Variants in PDS5B observed in about 807,000 individuals in gnomAD.
PDS5B encodes the protein PDS5 cohesin associated factor B.
PDS5B carries 51 observed loss-of-function variants against 184.1 expected under a neutral mutation model. The observed-to-expected ratio is 0.28, with a 90% confidence interval of 0.22 to 0.35. The LOEUF (loss-of-function observed/expected upper bound fraction) is 0.35, where lower values mean the gene tolerates loss of function less well. PDS5B is among the 10% of genes least tolerant of loss of function. The pLI, the probability that PDS5B is intolerant of heterozygous loss-of-function variation, is 1.00. For missense variants in PDS5B, 1,180 were observed against 1,723.3 expected (o/e 0.68, Z 5.58); for synonymous variants, 566 against 569.2 (o/e 0.99, Z 0.08).
intron 10 of PDS5B, among the ~76,000 whole-genome samples, chr13:32,679,399 C>T (rs1951168652): frequency 1.3e-5 from 2 of 152,120 alleles, no homozygotes; most frequent in Admixed American, 6.5e-5. Flanking sequence ...AGGCCGAGCA[C>T]AGGCCAAGGT....
At chr13:32,630,595 C>T (rs182124440) in intron 1 of PDS5B, among the ~76,000 whole-genome samples, 2 of 152,186 alleles carry the variant, frequency 1.3e-5, no homozygotes, top group East Asian at 1.9e-4. Flanking sequence ...TATAATTGTT[C>T]TCTGGTCTTT....
intron 16 of PDS5B, among the ~76,000 whole-genome samples, 186 bp downstream of exon 16, chr13:32,700,055 GATATT>G (rs1366449388): frequency 6.6e-6 from 1 of 151,978 alleles, no homozygotes; most frequent in Non-Finnish European, 1.5e-5. Flanking sequence ...TCTAAAATGA[GATATT>G]ATACATACAG....
At chr13:32,772,251 A>T (rs1312801231) in intron 33 of PDS5B, among the ~76,000 whole-genome samples, 2 of 152,192 alleles carry the variant, frequency 1.3e-5, no homozygotes, top group African/African-American at 4.8e-5. Context: ...TTAAAAAATA[A>T]AGATTTATCA....
chr13:32,729,261 G>A (rs1049726284), intron 19 of PDS5B, among the ~76,000 whole-genome samples: 1 of 152,076 alleles, frequency 6.6e-6, no homozygotes, highest in Non-Finnish European at 1.5e-5. Flanking sequence ...CCATGTCCCT[G>A]CAAAGGACAT....
intron 19 of PDS5B, among the ~76,000 whole-genome samples, chr13:32,720,998 T>C (rs916764021): frequency 3.3e-5 from 5 of 152,188 alleles, no homozygotes; most frequent in Non-Finnish European, 5.9e-5. Flanking sequence ...GGCAGAAGAA[T>C]TTTTCTTAGT....
Position 32,777,002 on chromosome 13 carries a change from AACACATAATTTCTGTTTC to A in PDS5B, c.*1952_*1969del, listed in dbSNP as rs1954976595. 1 of 152,420 alleles carries A rather than the reference AACACATAATTTCTGTTTC, an allele frequency of 6.6e-6. No homozygotes were observed. Among genetic ancestry groups the A allele is most frequent in the Non-Finnish European group, 1.5e-5 (1 of 67,912 alleles). 9.4% of individuals were successfully genotyped at this position (152,420 alleles called of 1,614,324 possible). A position where few individuals can be genotyped will look rare whatever the true frequency, so the allele number is the denominator to read the frequency against. On this transcript the variant is annotated 3_prime_UTR_variant, in exon 35 of 35. Coordinates refer to ENST00000315596, the MANE Select transcript of PDS5B (RefSeq NM_015032.4). ...ATGTTTCCTTAGCTCGGTTCTCCCA[AACACATAATTTCTGTTTC>A]AGCAGTACAAAGGCATGTTTTAAAA...
chr13:32,626,639 G>A (rs765599579), intron 1 of PDS5B, among the ~76,000 whole-genome samples: 6 of 151,584 alleles, frequency 4.0e-5, no homozygotes, highest in Non-Finnish European at 8.8e-5. Flanking sequence ...TGCCTTGTCT[G>A]CAGTGAAGAA....
At chr13:32,657,480 T>C (rs960882761) in intron 3 of PDS5B, among the ~76,000 whole-genome samples, 4 of 152,224 alleles carry the variant, frequency 2.6e-5, no homozygotes, top group African/African-American at 9.6e-5. Context: ...GAGTCTCTTG[T>C]AGACAGCATA....
At chr13:32,669,785 T>C (rs1950887137) in intron 7 of PDS5B, among the ~76,000 whole-genome samples, 1 of 152,214 alleles carries the variant, frequency 6.6e-6, no homozygotes, top group African/African-American at 2.4e-5. Context: ...TATTTTCTTA[T>C]TTCTCCCTGT....
intron 13 of PDS5B, chr13:32,690,792 T>C (rs2140836487): frequency 6.6e-6 from 1 of 152,242 alleles, no homozygotes; most frequent in Admixed American, 6.5e-5. Context: ...GGACCAGTAC[T>C]CAAAAGGAAA....
At chr13:32,627,460 C>A (rs528638485) in intron 1 of PDS5B, among the ~76,000 whole-genome samples, 1 of 152,162 alleles carries the variant, frequency 6.6e-6, no homozygotes, top group South Asian at 2.1e-4. Flanking sequence ...ATATGTAGTT[C>A]ATTTCCTGGG....
intron 34 of PDS5B, among the ~76,000 whole-genome samples, chr13:32,774,537 A>G (rs780373156): frequency 2.6e-5 from 4 of 152,206 alleles, no homozygotes; most frequent in African/African-American, 7.2e-5. Context: ...TTATGCTTTC[A>G]TTAGTGCTTG....
chr13:32,673,420 T>G, intron 8 of PDS5B, 64 bp downstream of exon 8: 1 of 1,353,956 alleles, frequency 7.4e-7, no homozygotes. Flanking sequence ...TATTTATAGC[T>G]TTTTAATTTT....
chr13:32,675,810 A>G, intron 8 of PDS5B, 34 bp from the exon 9 acceptor site: 1 of 1,289,860 alleles, frequency 7.8e-7, no homozygotes, highest in South Asian at 1.2e-5. Context: ...TATCTACTGC[A>G]TGGTTTTAAA....
intron 1 of PDS5B, among the ~76,000 whole-genome samples, chr13:32,602,575 A>T (rs1412946978): frequency 6.6e-6 from 1 of 152,156 alleles, no homozygotes; most frequent in African/African-American, 2.4e-5. Context: ...ATGTGTCTTT[A>T]TAGCAGCATG....
intron 20 of PDS5B, among the ~76,000 whole-genome samples, chr13:32,733,218 G>GT (rs1953185983): frequency 1.3e-5 from 2 of 152,084 alleles, no homozygotes; most frequent in African/African-American, 4.8e-5. Context: ...TTTCAGAGTA[G>GT]TTCTTTCATT....
intron 1 of PDS5B, among the ~76,000 whole-genome samples, chr13:32,597,859 A>T (rs903104525): frequency 6.6e-6 from 1 of 151,782 alleles, no homozygotes; most frequent in Non-Finnish European, 1.5e-5. Context: ...AAAAAAAAAG[A>T]AAATTAATTT....
intron 31 of PDS5B, among the ~76,000 whole-genome samples, chr13:32,768,502 A>G (rs1398201544): frequency 6.6e-6 from 1 of 152,112 alleles, no homozygotes; most frequent in African/African-American, 2.4e-5. Context: ...GCAAGTAAGA[A>G]ATAACACTTA....
At chr13:32,700,254 T>A (rs1476741856) in intron 16 of PDS5B, among the ~76,000 whole-genome samples, 1 of 152,130 alleles carries the variant, frequency 6.6e-6, no homozygotes, top group Non-Finnish European at 1.5e-5. Flanking sequence ...GTCTTGATTC[T>A]TTCTTTAGGA....
Sources: allele counts gnomAD v4.1 joint callset (sites outside exome capture counted in the v4.1 genomes callset), GRCh38; gene constraint gnomAD v4.1.1; transcripts MANE v1.5; gene names NCBI Gene and HGNC (gene_info 2026-07-23, HGNC 2026-07-21).